The following SYTL4 variants were observed in gnomAD, a reference collection of about 807,000 sequenced individuals.
SYTL4 encodes the protein synaptotagmin-like protein 4.
SYTL4 carries 16 observed loss-of-function variants against 52.7 expected under a neutral mutation model. The ratio of observed to expected loss-of-function variants is 0.30; its 90% confidence interval spans 0.21 to 0.46. The LOEUF (loss-of-function observed/expected upper bound fraction) is 0.46, where lower values mean the gene tolerates loss of function less well. SYTL4 is among the 20% of genes least tolerant of loss of function. The probability of loss-of-function intolerance (pLI) is 1.00; values close to 1 mark genes in which losing one functional copy is unlikely to be tolerated. For missense variants in SYTL4, 423 were observed against 519.9 expected, an observed-to-expected ratio of 0.81 and a Z score of 1.81; for synonymous variants, 160 against 186.6, an observed-to-expected ratio of 0.86 and a Z score of 1.16.
chrX:100,675,826 AAAG>A lies in SYTL4; in HGVS notation c.*199_*201del, dbSNP rs757189558. On this transcript the variant is annotated 3_prime_UTR_variant, in exon 20 of 20. Coordinates refer to ENST00000372989, the MANE Select transcript of SYTL4 (RefSeq NM_001370165.1). Reference sequence around the variant, plus strand: ...ATGCTTATTCTTGAGACTGCTTTAAAAAGAAGAACAAGTCTGCATCACTCTAGC... The same window carrying A: ...ATGCTTATTCTTGAGACTGCTTTAAAAAGAACAAGTCTGCATCACTCTAGC... The A allele has an allele frequency of 8.0e-5, 26 of 325,513 alleles. No homozygotes were observed. Among genetic ancestry groups the A allele is most frequent in the East Asian group, 2.7e-4 (6 of 21,929 alleles). 26.8% of individuals were successfully genotyped at this position (325,513 alleles called of 1,213,427 possible). A position where few individuals can be genotyped will look rare whatever the true frequency, so the allele number is the denominator to read the frequency against.
rs780707753 is a variant in SYTL4 at position 100,710,905 on chromosome X, G to A, written c.-239-6019C>T. 2.7e-5 allele frequency among the ~76,000 whole-genome samples: 3 copies of A among 112,329 alleles called. No homozygotes were observed. The East Asian group carries it at 8.4e-4, about 31-fold the overall frequency. Reference sequence around the variant, plus strand: ...GCAGAAGGTTTCACTCAAGTGTTTAGCAAAGGACTGATTAGCCCATGGTAT... The same window carrying A: ...GCAGAAGGTTTCACTCAAGTGTTTAACAAAGGACTGATTAGCCCATGGTAT... On this transcript the variant is annotated intron_variant, in intron 2 of 19. Transcript: ENST00000372989.
chrX:100,685,879 A>T, intron 16 of SYTL4, 111 bp downstream of exon 16: 12 of 770,806 alleles, frequency 1.6e-5, no homozygotes, highest in Non-Finnish European at 7.1e-6. Context: ...AGGGGGCACT[A>T]GAACTCCAGA....
At chrX:100,692,852 T>C in intron 8 of SYTL4, among the ~76,000 whole-genome samples, 1 of 111,504 alleles carries the variant, frequency 9.0e-6, no homozygotes, top group East Asian at 2.8e-4. Context: ...CTCCTCTCTA[T>C]CTAGAATTAT....
intron 2 of SYTL4, among the ~76,000 whole-genome samples, chrX:100,714,416 C>T (rs1457710826): frequency 1.8e-5 from 2 of 110,337 alleles, no homozygotes; most frequent in Non-Finnish European, 3.8e-5. Flanking sequence ...CCCGCCACCA[C>T]ACCCGGCTAA....
chrX:100,678,905 A>C (rs1230179572), intron 18 of SYTL4: 4 of 300,453 alleles, frequency 1.3e-5, no homozygotes, highest in Non-Finnish European at 2.3e-5. Context: ...TTATCTCTTT[A>C]AATAAAACCA....
chrX:100,718,364 G>A (rs2084269865), intron 2 of SYTL4, among the ~76,000 whole-genome samples: 1 of 111,623 alleles, frequency 9.0e-6, no homozygotes, highest in South Asian at 3.8e-4. Context: ...TTTATACACT[G>A]TTCCAGACAG....
chrX:100,723,444 T>A (rs947926996), intron 2 of SYTL4, among the ~76,000 whole-genome samples: 12 of 111,786 alleles, frequency 1.1e-4, no homozygotes, highest in Admixed American at 6.6e-4. Flanking sequence ...CAGGCTGGAG[T>A]GCAGTAGCGT....
At position 100,686,054 on chromosome X, in the gene SYTL4, T is replaced by G. The variant is rs761883829; in HGVS notation, c.1385A>C (p.Glu462Ala). The G allele has an allele frequency of 3.3e-6, 4 of 1,207,276 alleles. No homozygotes were observed. The South Asian group carries it at 7.2e-5, about 22-fold the overall frequency. The change falls in exon 16 of 20, where the codon GAG becomes GCG. Residue 462 changes from glutamate (E) to alanine (A), a missense_variant. Physicochemically the swap from Glu to Ala is moderately radical, Grantham distance 107. Coordinates refer to ENST00000372989, the MANE Select transcript of SYTL4 (RefSeq NM_001370165.1). ...FGRNTFLGEA[E>A]IQMDSWKLDK... ...AAGCTTCCAGGAATCCATCTGGATC[T>G]CTGCCTCTCCAAGGAAAGTGTTTCT...
At chrX:100,681,895 A>G (rs1309827195) in intron 16 of SYTL4, among the ~76,000 whole-genome samples, 3 of 112,630 alleles carry the variant, frequency 2.7e-5, no homozygotes, top group African/African-American at 6.4e-5. Context: ...TTCCACTTAT[A>G]TTAAAATATA....
chrX:100,715,555 T>C (rs985352724), intron 2 of SYTL4, among the ~76,000 whole-genome samples: 2 of 111,701 alleles, frequency 1.8e-5, no homozygotes, highest in African/African-American at 3.3e-5. Flanking sequence ...TAAATCATTC[T>C]GATGATTGTA....
chrX:100,698,133 T>C lies in SYTL4; in HGVS notation c.539+2764A>G, dbSNP rs759845130. On this transcript the variant is annotated intron_variant, in intron 8 of 19. Transcript: ENST00000372989. ...TTTTTTATTTTTTGAGATGGAGTCTTGCTCTGTTGCCCAGGCTGGAGTGCA... is the reference window on the plus strand; with the variant it reads ...TTTTTTATTTTTTGAGATGGAGTCTCGCTCTGTTGCCCAGGCTGGAGTGCA... Among the ~76,000 whole-genome samples, 135 of 111,246 alleles carry C rather than the reference T, an allele frequency of 1.2e-3. 2 individuals carry two copies. The highest frequency in any genetic ancestry group is 9.1e-3 in the East Asian group (31 of 3,388).
intron 16 of SYTL4, among the ~76,000 whole-genome samples, chrX:100,682,525 C>T (rs761323233): frequency 9.1e-6 from 1 of 109,968 alleles, no homozygotes. Flanking sequence ...CTGGACAACA[C>T]AGCAAAACCT....
At chrX:100,678,322 G>A (rs947485382) in intron 19 of SYTL4, 69 bp downstream of exon 19, 4 of 800,920 alleles carry the variant, frequency 5.0e-6, no homozygotes, top group African/African-American at 2.0e-5. Context: ...GTTGGGGGGC[G>A]GGAATGGTAA....
chrX:100,675,893 CAT>C lies in SYTL4; in HGVS notation c.*133_*134del, dbSNP rs60877328. ...TTTGCAGAAAATACATGTTTGTACA[CAT>C]ACACACACACACACACACACACACA... On this transcript the variant is annotated 3_prime_UTR_variant, in exon 20 of 20. Coordinates refer to ENST00000372989, the MANE Select transcript of SYTL4 (RefSeq NM_001370165.1). The C allele has an allele frequency of 0.07, 22,738 of 322,937 alleles. 1,031 individuals carry two copies. The highest frequency in any genetic ancestry group is 0.31 in the African/African-American group (9,846 of 31,952). The allele number at this position is 322,937 out of a possible 1,213,427, so 26.6% of individuals were successfully genotyped here.
At chrX:100,716,450 C>CAAAAAAAAAAAAAAAAAA (rs200368843) in intron 2 of SYTL4, among the ~76,000 whole-genome samples, 7 of 25,773 alleles carry the variant, frequency 2.7e-4, no homozygotes, top group Non-Finnish European at 3.9e-4. Flanking sequence ...AACTCCATCT[C>CAAAAAAAAAAAAAAAAAA]AAAAAAAAAA....
chrX:100,728,802 C>G (rs2084576523), intron 2 of SYTL4, among the ~76,000 whole-genome samples: 1 of 111,507 alleles, frequency 9.0e-6, no homozygotes, highest in Admixed American at 9.5e-5. Context: ...CTTTGGGAGG[C>G]CGAGGAGGGC....
At chrX:100,680,600 T>C in intron 17 of SYTL4, among the ~76,000 whole-genome samples, 1 of 111,108 alleles carries the variant, frequency 9.0e-6, no homozygotes, top group South Asian at 3.9e-4. Context: ...CCATGCCTTT[T>C]TAAAACCTTT....
chrX:100,679,298 G>A lies in SYTL4; in HGVS notation c.1658+15C>T. On this transcript the variant is annotated intron_variant, in intron 18 of 19. Coordinates refer to ENST00000372989, the MANE Select transcript of SYTL4 (RefSeq NM_001370165.1). The stretch of plus-strand genomic sequence containing the variant: ...TTCTGAAACTGGTTAATTTGGGGCT[G>A]GTCTAGGGACTCACCCCTTGACAAA... 12 of 1,167,401 alleles carry A rather than the reference G, an allele frequency of 1.0e-5. No individual in the cohort carries two copies. Among genetic ancestry groups the A allele is most frequent in the South Asian group, 1.8e-5 (1 of 55,506 alleles).
At position 100,701,744 on chromosome X, in the gene SYTL4, G is replaced by A. The variant is rs1413950540; in HGVS notation, c.111-71C>T. ...TAGATTGGATGGAGAGGGGTTGAGA[G>A]GTAAAGACAGTAAGACTATTTGGTT... On this transcript the variant is annotated intron_variant, in intron 5 of 19. Coordinates refer to ENST00000372989, the MANE Select transcript of SYTL4 (RefSeq NM_001370165.1). The A allele has an allele frequency of 7.8e-6, 8 of 1,031,662 alleles. No individual in the cohort carries two copies. The African/African-American group carries it at 1.3e-4, about 17-fold the overall frequency. The allele number at this position is 1,031,662 out of a possible 1,213,427, so 85.0% of individuals were successfully genotyped here.
Sources: gnomAD v4.1 joint callset for allele counts (sites outside exome capture counted in the v4.1 genomes callset) on GRCh38, gnomAD v4.1.1 for gene constraint, MANE v1.5 for transcripts, NCBI Gene and HGNC (gene_info 2026-07-23, HGNC 2026-07-21) for gene names.